Variants in FBXL17 observed in about 807,000 individuals in gnomAD.
The protein encoded by FBXL17 is F-box/LRR-repeat protein 17.
FBXL17 carries 22 observed loss-of-function variants against 66.2 expected under a neutral mutation model. The ratio of observed to expected loss-of-function variants is 0.33; its 90% CI spans 0.24 to 0.47. FBXL17 has a LOEUF of 0.47. Among genes scored for constraint, FBXL17 ranks in the 20% least tolerant of loss-of-function variants. The pLI, the probability that FBXL17 is intolerant of heterozygous loss-of-function variation, is 1.00. For missense variants in FBXL17, 878 were observed against 948.2 expected (o/e 0.93, Z 0.97); for synonymous variants, 474 against 400.5 (o/e 1.18, Z -2.19).
intron 6 of FBXL17, among the ~76,000 whole-genome samples, chr5:108,113,432 C>CTA (rs1462614976): frequency 6.6e-6 from 1 of 151,704 alleles, no homozygotes; most frequent in Admixed American, 6.6e-5. Context: ...TGTATATATG[C>CTA]TATACACATA....
chr5:108,095,291 G>A lies in FBXL17; in HGVS notation c.1746-74290C>T, dbSNP rs185323782. On this transcript the variant is annotated intron_variant, in intron 6 of 8. Coordinates refer to ENST00000542267, the MANE Select transcript of FBXL17 (RefSeq NM_001163315.3). ...ACCTACAATATGAAAATAAAGAACT[G>A]AGAACAGATATCGGTGGGAACCTCA... Among the ~76,000 whole-genome samples the A allele has an allele frequency of 3.1e-3, 471 of 152,028 alleles. 2 individuals are homozygous for A. Among genetic ancestry groups the A allele is most frequent in the African/African-American group, 0.011 (454 of 41,502 alleles).
intron 7 of FBXL17, among the ~76,000 whole-genome samples, chr5:107,937,875 A>G (rs1286051228): frequency 1.3e-5 from 2 of 152,194 alleles, no homozygotes; most frequent in African/African-American, 4.8e-5. Flanking sequence ...CAAGAAGGCC[A>G]GTATGACCTT....
At chr5:108,155,612 T>G (rs1751965470) in intron 6 of FBXL17, among the ~76,000 whole-genome samples, 1 of 152,212 alleles carries the variant, frequency 6.6e-6, no homozygotes, top group African/African-American at 2.4e-5. Context: ...AGCAACATTT[T>G]GACTAGCAGA....
intron 4 of FBXL17, among the ~76,000 whole-genome samples, chr5:108,278,581 C>T (rs1392534173): frequency 6.6e-6 from 1 of 152,166 alleles, no homozygotes; most frequent in Non-Finnish European, 1.5e-5. Flanking sequence ...CTCCAATGGC[C>T]CAGGACTGAG....
At chr5:108,296,508 T>C (rs1297387448) in intron 4 of FBXL17, among the ~76,000 whole-genome samples, 1 of 151,752 alleles carries the variant, frequency 6.6e-6, no homozygotes, top group African/African-American at 2.4e-5. Flanking sequence ...AATAAAAAAA[T>C]CAACCTCCCT....
intron 7 of FBXL17, among the ~76,000 whole-genome samples, chr5:108,016,783 TTTC>T (rs1311079609): frequency 6.8e-4 from 53 of 77,680 alleles, no homozygotes; most frequent in African/African-American, 1.5e-3. Flanking sequence ...TCTTTCTTTC[TTTC>T]TTTTTTTTTT....
At chr5:108,134,729 T>C (rs905044853) in intron 6 of FBXL17, among the ~76,000 whole-genome samples, 5 of 152,204 alleles carry the variant, frequency 3.3e-5, no homozygotes, top group Non-Finnish European at 5.9e-5. Flanking sequence ...GTGTACTATA[T>C]TGATGTATCC....
At chr5:108,147,111 C>T (rs1270605074) in intron 6 of FBXL17, among the ~76,000 whole-genome samples, 2 of 152,164 alleles carry the variant, frequency 1.3e-5, no homozygotes, top group Non-Finnish European at 2.9e-5. Flanking sequence ...AATCACTTCC[C>T]AAAAGTCTCT....
intron 8 of FBXL17, chr5:107,879,695 T>C (rs1580675560): frequency 1.0e-6 from 1 of 985,482 alleles, no homozygotes; most frequent in Non-Finnish European, 1.2e-6. Flanking sequence ...GCCCTTTGAA[T>C]GGCGTGTCTA....
rs182309668 is a variant in FBXL17 at position 107,949,066 on chromosome 5, C to T, written c.1823-67887G>A. Reference sequence around the variant, plus strand: ...CACTTGGGGTCAAAGATCAATAGTACCAAAAATGGCTTAGGGCATTTTCAC... The same window carrying T: ...CACTTGGGGTCAAAGATCAATAGTATCAAAAATGGCTTAGGGCATTTTCAC... On this transcript the variant is annotated intron_variant, in intron 7 of 8. Coordinates refer to ENST00000542267, the MANE Select transcript of FBXL17 (RefSeq NM_001163315.3). Among the ~76,000 whole-genome samples, 17 of 151,712 alleles carry T rather than the reference C, an allele frequency of 1.1e-4. No individual in the cohort carries two copies. The East Asian group carries it at 3.1e-3, about 28-fold the overall frequency.
intron 5 of FBXL17, among the ~76,000 whole-genome samples, chr5:108,204,596 G>A (rs1211981567): frequency 1.3e-5 from 2 of 152,092 alleles, no homozygotes; most frequent in Non-Finnish European, 2.9e-5. Context: ...CATTTCTAAG[G>A]CTTGCCTTTG....
At chr5:108,269,369 C>G (rs1294276997) in intron 4 of FBXL17, among the ~76,000 whole-genome samples, 2 of 152,028 alleles carry the variant, frequency 1.3e-5, no homozygotes, top group African/African-American at 4.8e-5. Flanking sequence ...TTTTAGATGA[C>G]ATCCATGATC....
intron 7 of FBXL17, among the ~76,000 whole-genome samples, chr5:107,914,301 A>G (rs754722126): frequency 2.0e-5 from 3 of 152,126 alleles, no homozygotes; most frequent in Non-Finnish European, 4.4e-5. Flanking sequence ...TCCAAAAGAT[A>G]AGGTTGCAAT....
chr5:108,191,684 T>C (rs181711096), intron 5 of FBXL17, among the ~76,000 whole-genome samples: 100 of 152,316 alleles, frequency 6.6e-4, no homozygotes, highest in African/African-American at 2.4e-3. Flanking sequence ...CTCTTGAACT[T>C]TTAGAAAGCT....
In FBXL17 at chr5:107,861,878, T is replaced by C; in HGVS notation, c.1966-18A>G. ...TCGTTGACCTGCAAACAAAGAAGAG[T>C]CACCATCACGCACAGAGACCACCAA... On this transcript the variant is annotated intron_variant, in intron 8 of 8. Coordinates refer to ENST00000542267, the MANE Select transcript of FBXL17 (RefSeq NM_001163315.3). 1.3e-6 allele frequency: 2 copies of C among 1,499,496 alleles called. No homozygotes were observed. Among genetic ancestry groups the C allele is most frequent in the Non-Finnish European group, 1.8e-6 (2 of 1,115,142 alleles). 92.9% of individuals were successfully genotyped at this position (1,499,496 alleles called of 1,614,324 possible).
At chr5:108,105,601 A>C (rs1749764408) in intron 6 of FBXL17, among the ~76,000 whole-genome samples, 2 of 152,236 alleles carry the variant, frequency 1.3e-5, no homozygotes, top group South Asian at 4.1e-4. Flanking sequence ...CTAGAAAAGA[A>C]AAAGAGCCAT....
At chr5:107,909,281 A>G (rs1489979380) in intron 7 of FBXL17, among the ~76,000 whole-genome samples, 2 of 152,160 alleles carry the variant, frequency 1.3e-5, no homozygotes, top group African/African-American at 4.8e-5. Context: ...AAGAGCCACA[A>G]TTTGTGCACA....
At chr5:107,861,947 C>A in intron 8 of FBXL17, 87 bp from the exon 9 acceptor site, 3 of 1,335,110 alleles carry the variant, frequency 2.2e-6, no homozygotes, top group Non-Finnish European at 2.9e-6. Flanking sequence ...GCAGCTGGCT[C>A]ACTGTGACAC....
At chr5:108,367,780 G>C in intron 2 of FBXL17, 51 bp downstream of exon 2, 1 of 1,453,522 alleles carries the variant, frequency 6.9e-7, no homozygotes, top group East Asian at 2.6e-5. Context: ...GAGGAATAAA[G>C]ATATTTTTTG....
Sources: allele counts gnomAD v4.1 joint callset (sites outside exome capture counted in the v4.1 genomes callset), GRCh38; gene constraint gnomAD v4.1.1; transcripts MANE v1.5; gene names NCBI Gene and HGNC (gene_info 2026-07-23, HGNC 2026-07-21).